GHR: variants seen among roughly 807,000 people sequenced by gnomAD.
GHR encodes the protein GH receptor.
In GHR, 35 loss-of-function variants were observed where a neutral mutation model predicts 67.1. The ratio of observed to expected loss-of-function variants is 0.52; its 90% CI spans 0.40 to 0.69. The LOEUF (loss-of-function observed/expected upper bound fraction) is 0.69, where lower values mean the gene tolerates loss of function less well. Among genes scored for constraint, GHR ranks in the 30% least tolerant of loss-of-function variants. GHR has a pLI of 0.00. For missense variants in GHR, 792 were observed against 764.6 expected (o/e 1.04, Z -0.42); for synonymous variants, 272 against 269.1 (o/e 1.01, Z -0.10).
intron 1 of GHR, among the ~76,000 whole-genome samples, chr5:42,519,563 C>T (rs887709438): frequency 3.9e-5 from 6 of 152,308 alleles, no homozygotes; most frequent in Non-Finnish European, 8.8e-5. Flanking sequence ...AGTAACTCAT[C>T]CCAAGTTACC....
intron 3 of GHR, among the ~76,000 whole-genome samples, chr5:42,677,430 A>G (rs1420913980): frequency 6.6e-6 from 1 of 152,218 alleles, no homozygotes; most frequent in Non-Finnish European, 1.5e-5. Flanking sequence ...TTTCTCAGGA[A>G]AACATAGACA....
At chr5:42,465,559 T>C (rs1479052981) in intron 1 of GHR, 32 of 1,381,210 alleles carry the variant, frequency 2.3e-5, no homozygotes, top group Non-Finnish European at 3.3e-5. Context: ...TCACATTTGA[T>C]TGATCCAAGT....
intron 3 of GHR, among the ~76,000 whole-genome samples, chr5:42,646,871 C>T (rs1306173362): frequency 4.6e-5 from 7 of 152,144 alleles, no homozygotes; most frequent in Admixed American, 6.5e-5. Flanking sequence ...GACTGGGAAT[C>T]GTGACTTGCA....
chr5:42,699,650 A>G (rs907041731), intron 5 of GHR, among the ~76,000 whole-genome samples, 174 bp from the exon 6 acceptor site: 1 of 146,410 alleles, frequency 6.8e-6, no homozygotes, highest in Non-Finnish European at 1.5e-5. Context: ...TCCTTGAGTT[A>G]AAAAAAAAAG....
At chr5:42,712,485 A>T (rs913944530) in intron 7 of GHR, among the ~76,000 whole-genome samples, 15 of 152,174 alleles carry the variant, frequency 9.9e-5, no homozygotes, top group African/African-American at 3.4e-4. Context: ...AATTATAGAC[A>T]CTACAAGACA....
intron 1 of GHR, among the ~76,000 whole-genome samples, chr5:42,437,564 T>C (rs1384509634): frequency 6.8e-6 from 1 of 147,214 alleles, no homozygotes; most frequent in Non-Finnish European, 1.5e-5. Context: ...TATTTATTTA[T>C]TTGAAACGAA....
intron 3 of GHR, among the ~76,000 whole-genome samples, chr5:42,657,680 A>G (rs541849796): frequency 1.3e-5 from 2 of 152,214 alleles, no homozygotes; most frequent in South Asian, 4.1e-4. Flanking sequence ...TTGTCACTCT[A>G]TTTCCTACTG....
At chr5:42,613,900 T>C (rs1330449753) in intron 2 of GHR, among the ~76,000 whole-genome samples, 6 of 152,074 alleles carry the variant, frequency 3.9e-5, no homozygotes, top group African/African-American at 1.4e-4. Context: ...GTCTAAATGA[T>C]TGAGTCAAGT....
At chr5:42,437,040 C>G (rs944621266) in intron 1 of GHR, among the ~76,000 whole-genome samples, 15 of 152,080 alleles carry the variant, frequency 9.9e-5, no homozygotes, top group African/African-American at 3.6e-4. Context: ...GAGTTAGTAT[C>G]TAATAACACA....
chr5:42,661,581 C>G (rs965032718), intron 3 of GHR, among the ~76,000 whole-genome samples: 1 of 152,150 alleles, frequency 6.6e-6, no homozygotes, highest in African/African-American at 2.4e-5. Flanking sequence ...ACCAGGCCTG[C>G]CCTACAAGAG....
At chr5:42,611,128 C>G (rs181675099) in intron 2 of GHR, among the ~76,000 whole-genome samples, 4 of 152,216 alleles carry the variant, frequency 2.6e-5, no homozygotes, top group Admixed American at 2.6e-4. Flanking sequence ...ATATAAATTC[C>G]CCTATCAAGG....
At chr5:42,635,568 G>A (rs1445737903) in intron 3 of GHR, among the ~76,000 whole-genome samples, 1 of 152,182 alleles carries the variant, frequency 6.6e-6, no homozygotes, top group Non-Finnish European at 1.5e-5. Flanking sequence ...AGTTTCACAC[G>A]TTAGTGCTTT....
At chr5:42,644,174 G>A (rs560031883) in intron 3 of GHR, among the ~76,000 whole-genome samples, 24 of 152,160 alleles carry the variant, frequency 1.6e-4, no homozygotes, top group African/African-American at 5.1e-4. Context: ...TTGGACCCAC[G>A]TTAATCTTAC....
intron 1 of GHR, among the ~76,000 whole-genome samples, chr5:42,530,868 G>T (rs1289946359): frequency 6.6e-6 from 1 of 152,176 alleles, no homozygotes; most frequent in East Asian, 1.9e-4. Flanking sequence ...ATAGGTTTGT[G>T]GGGGTATCAC....
At chr5:42,475,224 TG>T (rs1300829691) in intron 1 of GHR, among the ~76,000 whole-genome samples, 1 of 152,152 alleles carries the variant, frequency 6.6e-6, no homozygotes, top group African/African-American at 2.4e-5. Context: ...TAAGTCTTTC[TG>T]TGGGTTAAAG....
chr5:42,610,640 A>G (rs1752846144), intron 2 of GHR, among the ~76,000 whole-genome samples: 1 of 151,772 alleles, frequency 6.6e-6, no homozygotes, highest in African/African-American at 2.4e-5. Flanking sequence ...AGAGATGACC[A>G]CTGCAGTACA....
At chr5:42,468,157 A>G (rs1744818843) in intron 1 of GHR, 7 of 1,316,144 alleles carry the variant, frequency 5.3e-6, no homozygotes, top group Admixed American at 5.1e-5. Flanking sequence ...TGATCCATCA[A>G]GGCCTGTCTG....
chr5:42,546,338 G>T (rs966973756), intron 1 of GHR, among the ~76,000 whole-genome samples: 1 of 152,180 alleles, frequency 6.6e-6, no homozygotes, highest in Admixed American at 6.5e-5. Flanking sequence ...ATCATAGTGA[G>T]TCTCAGACAT....
At chr5:42,467,599 C>T in intron 1 of GHR, 1 of 1,601,204 alleles carries the variant, frequency 6.2e-7, no homozygotes, top group Middle Eastern at 1.7e-4. Flanking sequence ...CAGATTTGAA[C>T]TCTGATTGAA....
Sources: allele counts gnomAD v4.1 joint callset (sites outside exome capture counted in the v4.1 genomes callset), GRCh38; gene constraint gnomAD v4.1.1; transcripts MANE v1.5; gene names NCBI Gene and HGNC (gene_info 2026-07-23, HGNC 2026-07-21).